GIT2: variants seen among roughly 807,000 people sequenced by gnomAD.
The protein encoded by GIT2 is ARF GTPase-activating protein GIT2.
Under a neutral mutation model 100.3 loss-of-function variants are expected in GIT2, and 32 were observed. The ratio of observed to expected loss-of-function variants is 0.32; its 90% CI spans 0.24 to 0.43. The LOEUF (loss-of-function observed/expected upper bound fraction) is 0.43. GIT2 is among the 20% of genes least tolerant of loss of function. GIT2 has a pLI of 1.00. For missense variants in GIT2, 737 were observed against 975.1 expected (o/e 0.76, Z 3.25); for synonymous variants, 353 against 364.1 (o/e 0.97, Z 0.35).
In GIT2 at chr12:109,996,329, C is replaced by T. The variant is rs1889423014; in HGVS notation, c.-105G>A. On this transcript the variant is annotated 5_prime_UTR_variant, in exon 1 of 20. Coordinates refer to ENST00000355312, the MANE Select transcript of GIT2 (RefSeq NM_057169.5). ...CGGGTCCCAGCTGCGGCGGCGCTGA[C>T]GGCGGCGCCTCTCCCCTCAGCGCCT... The T allele has an allele frequency of 2.6e-6, 2 of 758,316 alleles. No homozygotes were observed. The highest frequency in any genetic ancestry group is 1.8e-5 in the African/African-American group (1 of 54,182). The allele number at this position is 758,316 out of a possible 1,614,324, so 47.0% of individuals were successfully genotyped here. A position where few individuals can be genotyped will look rare whatever the true frequency, so the allele number is the denominator to read the frequency against.
intron 12 of GIT2, chr12:109,953,457 C>G (rs185086102): frequency 1.3e-5 from 6 of 473,556 alleles, no homozygotes; most frequent in Admixed American, 3.6e-5. Context: ...CATCCCTACA[C>G]AATAATTTAA....
At chr12:109,952,550 T>C (rs1038727319) in intron 13 of GIT2, 1 of 519,118 alleles carries the variant, frequency 1.9e-6, no homozygotes, top group African/African-American at 1.9e-5. Flanking sequence ...CTTTTTAGGC[T>C]GTCCCTATGC....
At position 109,947,478 on chromosome 12, in the gene GIT2, C is replaced by T. The variant is rs200155797; in HGVS notation, c.1419G>A (p.Ser473=). 1.0e-4 allele frequency: 161 copies of T among 1,613,824 alleles called. No individual in the cohort carries two copies. Among genetic ancestry groups the T allele is most frequent in the Non-Finnish European group, 1.1e-4 (133 of 1,179,784 alleles). The change falls in exon 15 of 20, where the codon TCG becomes TCA. Residue 473 remains serine (S), a synonymous_variant. Transcript: ENST00000355312. This position sits in a 1 kb window ranked among gnomAD's most constrained non-coding sequence, Gnocchi z 4.3. ...KKLQTLQSEN[S]NLRKQATTNV... is the part of the protein sequence containing the mutation. ...TGGTTGTGGCCTGTTTCCTGAGGTT[C>T]GAATTTTCACTCTGGAGTGTTTGAA...
chr12:109,958,903 T>G (rs995649264), intron 12 of GIT2, among the ~76,000 whole-genome samples: 1 of 152,220 alleles, frequency 6.6e-6, no homozygotes, highest in East Asian at 1.9e-4. Context: ...AACAGGGCAC[T>G]GGTGAAACAG....
chr12:109,944,208 C>T (rs1875637041), intron 16 of GIT2, among the ~76,000 whole-genome samples: 1 of 152,158 alleles, frequency 6.6e-6, no homozygotes, highest in South Asian at 2.1e-4. Flanking sequence ...AAAACGAATC[C>T]TGAAAGGGCC....
At position 109,947,707 on chromosome 12, in the gene GIT2, A is replaced by G. The variant is rs1287602096; in HGVS notation, c.1393-203T>C. On this transcript the variant is annotated intron_variant, in intron 14 of 19. Coordinates refer to ENST00000355312, the MANE Select transcript of GIT2 (RefSeq NM_057169.5). This position sits in a 1 kb window ranked among gnomAD's most constrained non-coding sequence, Gnocchi z 4.3. ...ATCAACTCCCTTCATCACGTAAGCAAATTAAATAGCTTCATTTCTGAATGT... is the reference window on the plus strand; with the variant it reads ...ATCAACTCCCTTCATCACGTAAGCAGATTAAATAGCTTCATTTCTGAATGT... 1.8e-6 allele frequency: 1 copy of G among 550,564 alleles called. No individual in the cohort carries two copies. Among genetic ancestry groups the G allele is most frequent in the Non-Finnish European group, 3.2e-6 (1 of 310,686 alleles). 34.1% of individuals were successfully genotyped at this position (550,564 alleles called of 1,614,324 possible).
At chr12:109,941,494 C>T (rs1034708531) in intron 16 of GIT2, among the ~76,000 whole-genome samples, 6 of 151,782 alleles carry the variant, frequency 4.0e-5, no homozygotes, top group African/African-American at 1.5e-4. Context: ...ACCCAAAACC[C>T]TTCTTATCTT....
At chr12:109,991,048 G>A (rs574206075) in intron 2 of GIT2, among the ~76,000 whole-genome samples, 118 of 152,322 alleles carry the variant, frequency 7.7e-4, no homozygotes, top group South Asian at 2.7e-3. Context: ...GGTGGCTCAC[G>A]CCTGCAATCC....
chr12:109,983,352 G>A (rs1308041746), intron 6 of GIT2, 21 bp downstream of exon 6: 6 of 1,607,160 alleles, frequency 3.7e-6, no homozygotes, highest in Non-Finnish European at 4.2e-6. Context: ...GAGAGAAGTA[G>A]CGAGAATCTA....
chr12:109,957,817 C>T (rs991709159), intron 12 of GIT2, among the ~76,000 whole-genome samples: 1 of 152,070 alleles, frequency 6.6e-6, no homozygotes, highest in Non-Finnish European at 1.5e-5. Flanking sequence ...CTCTTTATTA[C>T]TTAGTTGCTT....
At chr12:109,953,256 T>C in intron 12 of GIT2, 22 bp from the exon 13 acceptor site, 1 of 1,611,192 alleles carries the variant, frequency 6.2e-7, no homozygotes, top group Non-Finnish European at 8.5e-7. Context: ...AGCAAACAAC[T>C]TTACTTCAGG....
rs528741599 is a variant in GIT2, at chr12:109,996,333, G to T, written c.-109C>A. ...TCCCAGCTGCGGCGGCGCTGACGGC[G>T]GCGCCTCTCCCCTCAGCGCCTTGCA... On this transcript the variant is annotated 5_prime_UTR_variant, in exon 1 of 20. Transcript: ENST00000355312. 4.1e-6 allele frequency: 3 copies of T among 734,548 alleles called. No individual in the cohort carries two copies. Among genetic ancestry groups the T allele is most frequent in the Non-Finnish European group, 6.5e-6 (3 of 461,714 alleles). 45.5% of individuals were successfully genotyped at this position (734,548 alleles called of 1,614,324 possible). A position where few individuals can be genotyped will look rare whatever the true frequency, so the allele number is the denominator to read the frequency against.
At chr12:109,974,450 C>CA (rs1162933111) in intron 7 of GIT2, among the ~76,000 whole-genome samples, 2 of 151,728 alleles carry the variant, frequency 1.3e-5, no homozygotes, top group Non-Finnish European at 2.9e-5. Context: ...TGCTTGAACC[C>CA]AGGAGGCAGA....
chr12:109,982,534 T>C (rs771444040), intron 6 of GIT2: 23 of 152,168 alleles, frequency 1.5e-4, no homozygotes, highest in African/African-American at 5.5e-4. Context: ...GAAGGAAAGA[T>C]GACTGATCTT....
chr12:109,986,026 C>G (rs193066556), intron 4 of GIT2, among the ~76,000 whole-genome samples: 1 of 151,730 alleles, frequency 6.6e-6, no homozygotes, highest in Admixed American at 6.5e-5. Context: ...GAGTGAGACT[C>G]TGTCGTTTAG....
At position 109,931,894 on chromosome 12, in the gene GIT2, T is replaced by C. The variant is rs1157216879; in HGVS notation, c.*1084A>G. ...GGAACTCTTGAAAGTTGATGTCTAATTTTTAAGTACTCATGAGGTGATGGA... is the reference window on the plus strand; with the variant it reads ...GGAACTCTTGAAAGTTGATGTCTAACTTTTAAGTACTCATGAGGTGATGGA... On this transcript the variant is annotated 3_prime_UTR_variant, in exon 20 of 20. Transcript: ENST00000355312. 6.6e-6 allele frequency: 1 copy of C among 152,244 alleles called. No homozygotes were observed. Among genetic ancestry groups the C allele is most frequent in the Non-Finnish European group, 1.5e-5 (1 of 68,044 alleles). The allele number at this position is 152,244 out of a possible 1,614,324, so 9.4% of individuals were successfully genotyped here.
intron 7 of GIT2, among the ~76,000 whole-genome samples, chr12:109,980,105 G>T (rs1284827563): frequency 6.6e-6 from 1 of 152,048 alleles, no homozygotes; most frequent in Admixed American, 6.5e-5. Context: ...GTCTTGCTTT[G>T]TCACTGCACC....
At position 109,930,925 on chromosome 12, in the gene GIT2, C is replaced by G. The variant is rs914685770; in HGVS notation, c.*2053G>C. On this transcript the variant is annotated 3_prime_UTR_variant, in exon 20 of 20. Transcript: ENST00000355312. ...GCCTGAACTTAAGGTGGGAGGCCCC[C>G]TTCTAGAAGGCATCCCGGGAGCATC... 6.6e-6 allele frequency: 1 copy of G among 152,208 alleles called. No individual in the cohort carries two copies. Among genetic ancestry groups the G allele is most frequent in the Non-Finnish European group, 1.5e-5 (1 of 68,054 alleles). The allele number at this position is 152,208 out of a possible 1,614,324, so 9.4% of individuals were successfully genotyped here.
intron 15 of GIT2, among the ~76,000 whole-genome samples, 192 bp from the exon 16 acceptor site, chr12:109,945,541 C>A (rs1233427012): frequency 2.6e-5 from 4 of 152,138 alleles, no homozygotes; most frequent in African/African-American, 7.2e-5. Flanking sequence ...GGAAATTACT[C>A]TGAATTTAAT....
Sources: gnomAD v4.1 joint callset for allele counts (sites outside exome capture counted in the v4.1 genomes callset) on GRCh38, gnomAD v4.1.1 for gene constraint, Gnocchi (gnomAD v3.1) non-coding constraint, MANE v1.5 for transcripts, NCBI Gene and HGNC (gene_info 2026-07-23, HGNC 2026-07-21) for gene names.